Variants in CADM2 observed in about 807,000 individuals in gnomAD.
The protein encoded by CADM2 is cell adhesion molecule 2.
CADM2 carries 12 observed loss-of-function variants against 49.8 expected under a neutral mutation model. That is an observed-to-expected ratio of 0.24 (90% CI 0.15 to 0.39). The LOEUF is 0.39. Among genes scored for constraint, CADM2 ranks in the 10% least tolerant of loss-of-function variants. CADM2 has a pLI of 1.00. For missense variants in CADM2, 378 were observed against 492.3 expected (o/e 0.77, Z 2.20); for synonymous variants, 214 against 175.4 (o/e 1.22, Z -1.74).
At chr3:85,328,852 T>C (rs1287532644) in intron 1 of CADM2, among the ~76,000 whole-genome samples, 1 of 151,844 alleles carries the variant, frequency 6.6e-6, no homozygotes, top group Admixed American at 6.6e-5. Context: ...TATTCTATAA[T>C]TTTATATAAA....
chr3:85,427,698 C>G (rs2036478471), intron 1 of CADM2, among the ~76,000 whole-genome samples: 1 of 152,030 alleles, frequency 6.6e-6, no homozygotes, highest in Non-Finnish European at 1.5e-5. Context: ...CATAATAGTG[C>G]CAGCATTATC....
At chr3:85,186,881 G>A (rs760386016) in intron 1 of CADM2, among the ~76,000 whole-genome samples, 1 of 152,096 alleles carries the variant, frequency 6.6e-6, no homozygotes, top group Non-Finnish European at 1.5e-5. Flanking sequence ...ATTTAAGAAA[G>A]GTGAGATTCC....
At chr3:85,058,631 G>GA (rs1261704067) in intron 1 of CADM2, among the ~76,000 whole-genome samples, 1 of 151,820 alleles carries the variant, frequency 6.6e-6, no homozygotes, top group Non-Finnish European at 1.5e-5. Flanking sequence ...TTTTTGTAGA[G>GA]ATGGGGTTTC....
chr3:85,435,787 A>G (rs2036899654), intron 1 of CADM2, among the ~76,000 whole-genome samples: 1 of 151,834 alleles, frequency 6.6e-6, no homozygotes, highest in Non-Finnish European at 1.5e-5. Context: ...GCTTTTTTCC[A>G]TATGTTTTTT....
chr3:85,364,156 T>C (rs1035040694), intron 1 of CADM2, among the ~76,000 whole-genome samples: 10 of 152,204 alleles, frequency 6.6e-5, no homozygotes, highest in Non-Finnish European at 1.5e-4. Flanking sequence ...TGTCTTTGTC[T>C]CATTAGAGTG....
chr3:85,522,590 G>A (rs2061049613), intron 1 of CADM2, among the ~76,000 whole-genome samples: 1 of 152,046 alleles, frequency 6.6e-6, no homozygotes, highest in South Asian at 2.1e-4. Context: ...GGACAATGTA[G>A]TTCCAGAGAA....
intron 1 of CADM2, among the ~76,000 whole-genome samples, chr3:85,314,780 TG>T (rs1216633531): frequency 6.6e-6 from 1 of 152,202 alleles, no homozygotes; most frequent in Non-Finnish European, 1.5e-5. Flanking sequence ...GGAGGGAGAT[TG>T]TATAGTCAAA....
intron 1 of CADM2, among the ~76,000 whole-genome samples, chr3:85,161,463 T>C (rs545468676): frequency 6.6e-6 from 1 of 152,210 alleles, no homozygotes; most frequent in Admixed American, 6.5e-5. Context: ...CTCAGTTACA[T>C]GTTATTCCTC....
chr3:85,286,374 A>G (rs2043633031), intron 1 of CADM2, among the ~76,000 whole-genome samples: 1 of 152,198 alleles, frequency 6.6e-6, no homozygotes, highest in Non-Finnish European at 1.5e-5. Context: ...AAATCAAGAA[A>G]TGCCCATTCT....
At chr3:85,676,049 C>A (rs955857030) in intron 1 of CADM2, among the ~76,000 whole-genome samples, 7 of 152,302 alleles carry the variant, frequency 4.6e-5, no homozygotes, top group African/African-American at 1.7e-4. Flanking sequence ...CTGAAGTAGC[C>A]AGCACTTGCT....
intron 1 of CADM2, among the ~76,000 whole-genome samples, chr3:84,972,499 T>C (rs2031520178): frequency 6.6e-6 from 1 of 152,226 alleles, no homozygotes; most frequent in South Asian, 2.1e-4. Context: ...TTGTAGCCAT[T>C]GGCCTGAGTT....
intron 6 of CADM2, among the ~76,000 whole-genome samples, chr3:85,932,607 A>G (rs1163762157): frequency 6.6e-6 from 1 of 152,186 alleles, no homozygotes; most frequent in Non-Finnish European, 1.5e-5. Flanking sequence ...GAGTTGAACC[A>G]GGAGTATATG....
intron 1 of CADM2, among the ~76,000 whole-genome samples, chr3:85,259,586 A>G (rs2042967103): frequency 6.6e-6 from 1 of 152,124 alleles, no homozygotes; most frequent in Admixed American, 6.6e-5. Context: ...GCCACAAAAT[A>G]TGTACATATT....
intron 3 of CADM2, among the ~76,000 whole-genome samples, chr3:85,833,426 T>G (rs1286529850): frequency 6.6e-6 from 1 of 151,730 alleles, no homozygotes; most frequent in Non-Finnish European, 1.5e-5. Flanking sequence ...TCTTCATACA[T>G]CTGGTAGAAT....
Position 86,070,339 on chromosome 3 carries a change from G to A in CADM2, c.*3556G>A, listed in dbSNP as rs1739749690. On this transcript the variant is annotated 3_prime_UTR_variant, in exon 10 of 10. Transcript: ENST00000383699. ...ATAGGCACATGTATAGCAGCTGTTT[G>A]ACAGTGATGGCTCTTCCATGTAACA... 6.6e-6 allele frequency: 1 copy of A among 151,934 alleles called. No individual in the cohort carries two copies. The highest frequency in any genetic ancestry group is 6.6e-5 in the Admixed American group (1 of 15,232). The allele number at this position is 151,934 out of a possible 1,614,324, so 9.4% of individuals were successfully genotyped here. A position where few individuals can be genotyped will look rare whatever the true frequency, so the allele number is the denominator to read the frequency against.
At chr3:85,916,909 T>G (rs1220423356) in intron 6 of CADM2, among the ~76,000 whole-genome samples, 1 of 152,218 alleles carries the variant, frequency 6.6e-6, no homozygotes, top group Non-Finnish European at 1.5e-5. Context: ...GATTTGCATT[T>G]CTCTGATGGC....
At chr3:85,387,381 C>A (rs2034289385) in intron 1 of CADM2, among the ~76,000 whole-genome samples, 1 of 152,080 alleles carries the variant, frequency 6.6e-6, no homozygotes, top group Admixed American at 6.6e-5. Flanking sequence ...TGTTTACTTT[C>A]CTTCTTTTTG....
chr3:85,587,207 G>A (rs1167327316), intron 1 of CADM2, among the ~76,000 whole-genome samples: 2 of 151,976 alleles, frequency 1.3e-5, no homozygotes, highest in Admixed American at 6.6e-5. Flanking sequence ...AAGTTGCTAG[G>A]CCATTATGTC....
intron 1 of CADM2, among the ~76,000 whole-genome samples, chr3:85,431,311 G>T (rs1247116489): frequency 2.0e-5 from 3 of 152,100 alleles, no homozygotes; most frequent in Non-Finnish European, 4.4e-5. Context: ...GTTGGGATAA[G>T]CAATGCATGA....
Sources: allele counts gnomAD v4.1 joint callset (sites outside exome capture counted in the v4.1 genomes callset), GRCh38; gene constraint gnomAD v4.1.1; transcripts MANE v1.5; gene names NCBI Gene and HGNC (gene_info 2026-07-23, HGNC 2026-07-21).